SNTG1: variants seen among roughly 807,000 people sequenced by gnomAD.
SNTG1 encodes the protein gamma-1-syntrophin.
In SNTG1, 39 loss-of-function variants were observed where a neutral mutation model predicts 74.7. The observed-to-expected ratio is 0.52, with a 90% confidence interval of 0.40 to 0.68. The LOEUF (loss-of-function observed/expected upper bound fraction) is 0.68, where lower values mean the gene tolerates loss of function less well. SNTG1 is among the 30% of genes least tolerant of loss of function. SNTG1 has a pLI of 0.00. For missense variants in SNTG1, 685 were observed against 609.5 expected (o/e 1.12, Z -1.30); for synonymous variants, 254 against 217.1 (o/e 1.17, Z -1.49).
At chr8:50,591,594 A>G (rs2094692187) in intron 13 of SNTG1, among the ~76,000 whole-genome samples, 1 of 152,224 alleles carries the variant, frequency 6.6e-6, no homozygotes, top group African/African-American at 2.4e-5. Context: ...ATAATAGCAC[A>G]TGTAAAGTTC....
At chr8:50,415,339 A>G (rs2093001002) in intron 4 of SNTG1, among the ~76,000 whole-genome samples, 1 of 152,188 alleles carries the variant, frequency 6.6e-6, no homozygotes, top group South Asian at 2.1e-4. Flanking sequence ...ATATAAACTA[A>G]TAGGCTGAAA....
intron 1 of SNTG1, among the ~76,000 whole-genome samples, chr8:49,932,864 A>T (rs928899909): frequency 3.9e-5 from 6 of 152,212 alleles, no homozygotes; most frequent in African/African-American, 1.4e-4. Context: ...AAATGAAGTC[A>T]TAAAATCTGT....
In SNTG1 at chr8:50,650,759, G is replaced by A. The variant is rs187460613; in HGVS notation, c.850-6150G>A. 6.2e-3 allele frequency among the ~76,000 whole-genome samples: 947 copies of A among 152,042 alleles called. 8 individuals carry two copies. Among genetic ancestry groups the A allele is most frequent in the Non-Finnish European group, 0.011 (740 of 67,952 alleles). ...CTCTGTTGCCCAGCTGGATTGCAGT[G>A]GTGCCATCTCAGCTCTCTGCAACCT... On this transcript the variant is annotated intron_variant, in intron 13 of 18. Coordinates refer to ENST00000642720, the MANE Select transcript of SNTG1 (RefSeq NM_018967.5).
At chr8:50,349,447 T>A (rs1437613136) in intron 2 of SNTG1, among the ~76,000 whole-genome samples, 2 of 152,150 alleles carry the variant, frequency 1.3e-5, no homozygotes, top group South Asian at 2.1e-4. Flanking sequence ...GTATACATGA[T>A]CTATATATTT....
At chr8:50,093,750 A>G (rs565825063) in intron 1 of SNTG1, among the ~76,000 whole-genome samples, 2 of 152,280 alleles carry the variant, frequency 1.3e-5, no homozygotes, top group East Asian at 3.9e-4. Context: ...AAATTGTGAA[A>G]AGTCCACATC....
chr8:50,526,546 A>C (rs2094221109), intron 9 of SNTG1, among the ~76,000 whole-genome samples: 1 of 152,088 alleles, frequency 6.6e-6, no homozygotes, highest in African/African-American at 2.4e-5. Flanking sequence ...TATGGGAAGC[A>C]AGGTCTGAGG....
At chr8:50,078,211 C>T (rs2131056469) in intron 1 of SNTG1, among the ~76,000 whole-genome samples, 1 of 152,258 alleles carries the variant, frequency 6.6e-6, no homozygotes, top group East Asian at 1.9e-4. Context: ...GTATAAGGTA[C>T]ATCTTCCACC....
At chr8:50,433,479 GTTT>G (rs11444705) in intron 4 of SNTG1, among the ~76,000 whole-genome samples, 26 of 141,958 alleles carry the variant, frequency 1.8e-4, no homozygotes, top group African/African-American at 6.6e-4. Context: ...TGAGTTTTCT[GTTT>G]TTTTTTTTTT....
intron 4 of SNTG1, among the ~76,000 whole-genome samples, chr8:50,415,918 A>G (rs1381478913): frequency 6.6e-6 from 1 of 152,172 alleles, no homozygotes; most frequent in Non-Finnish European, 1.5e-5. Flanking sequence ...GGCATTGAAG[A>G]GACTTAATAC....
chr8:50,000,445 T>G (rs563964071), intron 1 of SNTG1, among the ~76,000 whole-genome samples: 1 of 152,286 alleles, frequency 6.6e-6, no homozygotes, highest in South Asian at 2.1e-4. Flanking sequence ...GTCTTATTTT[T>G]TTATGTTGTG....
intron 8 of SNTG1, among the ~76,000 whole-genome samples, chr8:50,499,652 A>C (rs749179064): frequency 4.6e-5 from 7 of 151,608 alleles, no homozygotes; most frequent in Non-Finnish European, 7.4e-5. Context: ...TTTAGTAATG[A>C]TATTACCTGT....
chr8:50,467,639 C>T (rs1050550931), intron 8 of SNTG1, among the ~76,000 whole-genome samples: 4 of 151,732 alleles, frequency 2.6e-5, no homozygotes, highest in Non-Finnish European at 1.5e-5. Flanking sequence ...CTTTCCATTT[C>T]ATTGATTTCC....
intron 2 of SNTG1, among the ~76,000 whole-genome samples, chr8:50,294,929 C>T (rs1040546326): frequency 3.9e-5 from 6 of 152,082 alleles, no homozygotes; most frequent in African/African-American, 9.7e-5. Flanking sequence ...AGCCGGACAA[C>T]GAGCACTAAA....
At chr8:50,751,920 C>T (rs1005478656) in intron 17 of SNTG1, 81 bp from the exon 18 acceptor site, 4 of 784,076 alleles carry the variant, frequency 5.1e-6, no homozygotes, top group Non-Finnish European at 8.0e-6. Flanking sequence ...TTAACTTTTA[C>T]CATTTAAAAA....
intron 4 of SNTG1, among the ~76,000 whole-genome samples, chr8:50,433,597 T>C (rs998948078): frequency 1.3e-5 from 2 of 152,014 alleles, no homozygotes; most frequent in Non-Finnish European, 2.9e-5. Flanking sequence ...GTCAAGTTAA[T>C]TTCACTCTTT....
chr8:50,163,773 C>G (rs1355515241), intron 1 of SNTG1: 1 of 152,186 alleles, frequency 6.6e-6, no homozygotes, highest in Non-Finnish European at 1.5e-5. Context: ...TGAGCCACCA[C>G]ACTCGGCCCA....
intron 12 of SNTG1, among the ~76,000 whole-genome samples, chr8:50,563,647 T>C (rs746154528): frequency 1.1e-4 from 16 of 152,110 alleles, no homozygotes; most frequent in Admixed American, 2.0e-4. Context: ...AAAAATACAG[T>C]GTAGCAGAGC....
chr8:50,532,287 A>G (rs185231731), intron 10 of SNTG1, among the ~76,000 whole-genome samples: 2 of 152,354 alleles, frequency 1.3e-5, no homozygotes, highest in Admixed American at 1.3e-4. Context: ...ATCTCAATGC[A>G]TATCAATTAA....
At chr8:50,435,600 T>G (rs1477531003) in intron 4 of SNTG1, among the ~76,000 whole-genome samples, 1 of 152,184 alleles carries the variant, frequency 6.6e-6, no homozygotes, top group African/African-American at 2.4e-5. Flanking sequence ...ATTTCCCTTT[T>G]CATGCTTCCT....
Sources: gnomAD v4.1 joint callset for allele counts (sites outside exome capture counted in the v4.1 genomes callset) on GRCh38, gnomAD v4.1.1 for gene constraint, MANE v1.5 for transcripts, NCBI Gene and HGNC (gene_info 2026-07-23, HGNC 2026-07-21) for gene names.